ANLN: variants seen among roughly 807,000 people sequenced by gnomAD.
The protein encoded by ANLN is anillin, actin binding protein.
ANLN carries 59 observed loss-of-function variants against 135.1 expected under a neutral mutation model. The ratio of observed to expected loss-of-function variants is 0.44; its 90% CI spans 0.35 to 0.54. ANLN has a LOEUF of 0.54. Ranked by LOEUF, ANLN falls within the 20% of genes least tolerant of loss-of-function variation. The pLI is 0.00. For missense variants in ANLN, 1,182 were observed against 1,340.0 expected (o/e 0.88, Z 1.84); for synonymous variants, 406 against 456.4 (o/e 0.89, Z 1.41).
rs142409771 is a variant in ANLN at position 36,443,841 on chromosome 7, T to C, written c.3057T>C (p.Tyr1019=). ...GAAACTGTATATCTTATTGGACTTA[T>C]CCAGATGATGAGAAACGCAAGGTAA... The part of the protein sequence containing the change: ...LSGNCISYWT[Y]PDDEKRKNPI... The change falls in exon 22 of 24, where the codon TAT becomes TAC. Residue 1019 remains tyrosine (Y), a synonymous_variant. Transcript: ENST00000265748. The C allele has an allele frequency of 4.7e-5, 76 of 1,609,916 alleles. No homozygotes were observed. The African/African-American group carries it at 9.6e-4, about 20-fold the overall frequency.
intron 1 of ANLN, among the ~76,000 whole-genome samples, chr7:36,393,034 T>TG (rs1481846659): frequency 2.0e-5 from 3 of 150,718 alleles, no homozygotes; most frequent in Admixed American, 6.6e-5. Context: ...CTTTTTTCGT[T>TG]TTTTTTTTTG....
At position 36,406,560 on chromosome 7, in the gene ANLN, C is replaced by G; in HGVS notation, c.867C>G (p.Ser289Arg). 1 of 1,503,648 alleles carries G rather than the reference C, an allele frequency of 6.7e-7. No individual in the cohort carries two copies. The highest frequency in any genetic ancestry group is 8.9e-7 in the Non-Finnish European group (1 of 1,127,446). The allele number at this position is 1,503,648 out of a possible 1,614,324, so 93.1% of individuals were successfully genotyped here. Residue 289 changes from serine to arginine, a missense_variant, in exon 4 of 24, where the codon AGC becomes AGG. By Grantham distance (110) the Ser-to-Arg change is moderately radical. Transcript: ENST00000265748. Reference sequence around the variant, plus strand: ...CTTTGGTTAATGCCTCAATTTCCAGCTCTGTGGTAAGTCAGTATCATTTTG... The same window carrying G: ...CTTTGGTTAATGCCTCAATTTCCAGGTCTGTGGTAAGTCAGTATCATTTTG... ...DASLVNASIS[S>R]SVKATSPVKS... is the part of the protein sequence containing the mutation.
At chr7:36,391,327 T>C (rs1786451157) in intron 1 of ANLN, among the ~76,000 whole-genome samples, 1 of 152,246 alleles carries the variant, frequency 6.6e-6, no homozygotes, top group Non-Finnish European at 1.5e-5. Flanking sequence ...ACATTAGCCC[T>C]ATGTGTCTTC....
Position 36,422,699 on chromosome 7 carries a change from A to G in ANLN, c.2366A>G (p.Asn789Ser), listed in dbSNP as rs1261424791. The G allele has an allele frequency of 6.2e-7, 1 of 1,613,026 alleles. No homozygotes were observed. Among genetic ancestry groups the G allele is most frequent in the Non-Finnish European group, 8.5e-7 (1 of 1,179,692 alleles). Residue 789 changes from asparagine (N) to serine (S), a missense_variant, in exon 14 of 24, where the codon AAT (asparagine) becomes AGT (serine). Coordinates refer to ENST00000265748, the MANE Select transcript of ANLN (RefSeq NM_018685.5). ...KLKNEGPQRK[N>S]KASPQSEFMP... ...AAGAACGAAGGACCTCAGAGGAAGA[A>G]TAAGGCTAGTCCCCAAAGTGAATTT... is the stretch of plus-strand genomic sequence containing the variant.
intron 20 of ANLN, among the ~76,000 whole-genome samples, chr7:36,435,872 CAAAAAAAAAAAAAAAAAAA>C (rs57379889): frequency 1.9e-5 from 1 of 52,228 alleles, no homozygotes; most frequent in Non-Finnish European, 3.2e-5. Context: ...GACTCCGTCT[CAAAAAAAAAAAAAAAAAAA>C]AAAAAAAAAA....
intron 22 of ANLN, among the ~76,000 whole-genome samples, chr7:36,448,750 C>T (rs966160279): frequency 6.6e-6 from 1 of 152,142 alleles, no homozygotes; most frequent in Non-Finnish European, 1.5e-5. Context: ...CTATTACTGT[C>T]ATTGAATTTG....
intron 5 of ANLN, 27 bp from the exon 6 acceptor site, chr7:36,410,487 C>T (rs778547995): frequency 1.3e-6 from 2 of 1,540,206 alleles, no homozygotes; most frequent in Admixed American, 2.2e-5. Context: ...TTTGAATAGC[C>T]TCCAAAAATG....
At chr7:36,444,776 T>A (rs1427052890) in intron 22 of ANLN, among the ~76,000 whole-genome samples, 1 of 152,048 alleles carries the variant, frequency 6.6e-6, no homozygotes, top group Non-Finnish European at 1.5e-5. Flanking sequence ...AATTATTCAT[T>A]TATGAATCTT....
rs1350156011 is a variant in ANLN at position 36,419,416 on chromosome 7, G to A, written c.1806G>A (p.Leu602=). ...GCAGCGAAGAACAGGAAGATGCACT[G>A]AATATCTCCTCAATGTCTTTACTTG... ...AESSEEQEDA[L]NISSMSLLAP... The change falls in exon 10 of 24, where the codon CTG becomes CTA. Residue 602 remains leucine (L), a synonymous_variant. Transcript: ENST00000265748. 6.2e-7 allele frequency: 1 copy of A among 1,614,122 alleles called. No homozygotes were observed.
intron 20 of ANLN, among the ~76,000 whole-genome samples, chr7:36,433,840 T>A (rs1339630062): frequency 6.6e-6 from 1 of 152,142 alleles, no homozygotes; most frequent in East Asian, 1.9e-4. Context: ...ATTCAGACTT[T>A]TTTTTAGTTC....
intron 22 of ANLN, among the ~76,000 whole-genome samples, chr7:36,447,258 A>T (rs1789042961): frequency 6.6e-6 from 1 of 151,596 alleles, no homozygotes; most frequent in Admixed American, 6.6e-5. Flanking sequence ...TCAGCATACG[A>T]TTTTTTTTCT....
Position 36,427,189 on chromosome 7 carries a change from G to GT in ANLN, c.2883+176dup, listed in dbSNP as rs34986676. ...TTGCTAGGTATGAGTGTACCTAAAT[G>GT]TTTTTTTTTTTTTTTGTCTTGGAAG... On this transcript the variant is annotated intron_variant, in intron 20 of 23. Coordinates refer to ENST00000265748, the MANE Select transcript of ANLN (RefSeq NM_018685.5). 0.12 allele frequency among the ~76,000 whole-genome samples: 15,416 copies of GT among 128,370 alleles called. 981 individuals carry two copies. The highest frequency in any genetic ancestry group is 0.19 in the African/African-American group (6,528 of 35,018). The allele number at this position is 128,370 out of a possible 152,430, so 84.2% of individuals were successfully genotyped here.
intron 22 of ANLN, among the ~76,000 whole-genome samples, chr7:36,444,756 AAT>A (rs1788921073): frequency 6.6e-6 from 1 of 152,062 alleles, no homozygotes; most frequent in Admixed American, 6.5e-5. Flanking sequence ...TAAAATGTAT[AAT>A]ATATAATAAT....
intron 14 of ANLN, among the ~76,000 whole-genome samples, 196 bp from the exon 15 acceptor site, chr7:36,423,621 T>A (rs2116679302): frequency 6.6e-6 from 1 of 152,234 alleles, no homozygotes; most frequent in South Asian, 2.1e-4. Context: ...ACCTTGATGA[T>A]GCTTATTTCA....
chr7:36,398,857 A>G (rs567066114), intron 2 of ANLN, among the ~76,000 whole-genome samples: 3 of 151,880 alleles, frequency 2.0e-5, no homozygotes, highest in South Asian at 4.2e-4. Context: ...CTTTTCATTA[A>G]GGTTTTTATA....
At chr7:36,432,047 T>C (rs1266346759) in intron 20 of ANLN, among the ~76,000 whole-genome samples, 3 of 152,084 alleles carry the variant, frequency 2.0e-5, no homozygotes, top group African/African-American at 4.8e-5. Context: ...GAAAACAGTT[T>C]TTTTTCATCA....
chr7:36,446,333 T>C (rs1437077446), intron 22 of ANLN, among the ~76,000 whole-genome samples: 2 of 152,094 alleles, frequency 1.3e-5, no homozygotes, highest in African/African-American at 2.4e-5. Context: ...GAATAACCAA[T>C]TGGGCCAGCA....
intron 20 of ANLN, among the ~76,000 whole-genome samples, chr7:36,427,623 G>C (rs914218454): frequency 2.0e-5 from 3 of 152,084 alleles, no homozygotes; most frequent in African/African-American, 7.2e-5. Flanking sequence ...CAAAGTGCTG[G>C]GATTATAGGT....
intron 20 of ANLN, among the ~76,000 whole-genome samples, chr7:36,427,498 C>T (rs1035640264): frequency 5.9e-5 from 9 of 151,906 alleles, no homozygotes; most frequent in African/African-American, 1.2e-4. Context: ...ACTACAGGCA[C>T]GTGATGCCAC....
Sources: gnomAD v4.1 joint callset for allele counts (sites outside exome capture counted in the v4.1 genomes callset) on GRCh38, gnomAD v4.1.1 for gene constraint, MANE v1.5 for transcripts, NCBI Gene and HGNC (gene_info 2026-07-23, HGNC 2026-07-21) for gene names.